The following PINK1 variants were observed in gnomAD, a reference collection of about 807,000 sequenced individuals.
The protein encoded by PINK1 is PTEN induced kinase 1, also known as serine/threonine-protein kinase PINK1, mitochondrial.
Under a neutral mutation model 56.0 loss-of-function variants are expected in PINK1, and 58 were observed. The ratio of observed to expected loss-of-function variants is 1.04; its 90% CI spans 0.84 to 1.29. The LOEUF (loss-of-function observed/expected upper bound fraction) is 1.29, where lower values mean the gene tolerates loss of function less well. PINK1 is among the 50% of genes most tolerant of loss of function. PINK1 has a pLI of 0.00. For synonymous variants in PINK1, 354 were observed against 339.3 expected, an observed-to-expected ratio of 1.04 and a Z score of -0.48; for missense variants, 745 against 777.9, an observed-to-expected ratio of 0.96 and a Z score of 0.50.
chr1:20,637,958 T>C lies in PINK1; in HGVS notation c.504T>C (p.Ala168=), dbSNP rs1030921349. ...AGTCCATTGGTAAGGGCTGCAGTGC[T>C]GCTGTGTATGAAGCCACCATGCCTA... ...IGQSIGKGCS[A]AVYEATMPTL... Residue 168 remains alanine, a synonymous_variant, in exon 2 of 8, where the codon GCT becomes GCC. Transcript: ENST00000321556. The C allele has an allele frequency of 8.1e-6, 13 of 1,614,216 alleles. No individual in the cohort carries two copies. In the Middle Eastern group the frequency reaches 1.5e-3, roughly 184 times the overall value.
At chr1:20,638,293 AC>A in intron 2 of PINK1, 164 bp downstream of exon 2, 1 of 799,786 alleles carries the variant, frequency 1.3e-6, no homozygotes, top group Non-Finnish European at 1.9e-6. Flanking sequence ...AGAAGTCTAA[AC>A]CAGAATGTTT....
At chr1:20,643,832 G>T (rs2053143004) in intron 3 of PINK1, among the ~76,000 whole-genome samples, 1 of 152,040 alleles carries the variant, frequency 6.6e-6, no homozygotes, top group African/African-American at 2.4e-5. Flanking sequence ...AGGACAGAGG[G>T]GACACATTCC....
intron 1 of PINK1, among the ~76,000 whole-genome samples, chr1:20,636,875 G>A (rs1035217998): frequency 7.2e-5 from 11 of 152,208 alleles, no homozygotes; most frequent in Non-Finnish European, 1.5e-4. Context: ...GCTTTCAGAG[G>A]GAGGCGTCCA....
intron 3 of PINK1, among the ~76,000 whole-genome samples, chr1:20,643,712 T>C (rs2053141808): frequency 6.6e-6 from 1 of 152,176 alleles, no homozygotes; most frequent in Non-Finnish European, 1.5e-5. Context: ...AGCTGAGAGC[T>C]TCCTCTGTGC....
chr1:20,648,757 G>C (rs1570407489), intron 6 of PINK1, 125 bp downstream of exon 6: 3 of 1,497,040 alleles, frequency 2.0e-6, no homozygotes, highest in Non-Finnish European at 2.7e-6. Flanking sequence ...TTTGGCACAA[G>C]TTCCTTCCCT....
intron 5 of PINK1, among the ~76,000 whole-genome samples, chr1:20,647,293 G>A (rs111354972): frequency 0.15 from 22,269 of 151,484 alleles, 2,055 homozygotes; most frequent in Middle Eastern, 0.23. Flanking sequence ...TCCTGACTTC[G>A]TGATCCACCT....
chr1:20,637,175 C>T (rs896627538), intron 1 of PINK1, among the ~76,000 whole-genome samples: 9 of 152,216 alleles, frequency 5.9e-5, no homozygotes, highest in Non-Finnish European at 1.2e-4. Flanking sequence ...GCCTGGGTGA[C>T]TGGAAGAGTG....
chr1:20,651,409 T>G lies in PINK1; in HGVS notation c.*718T>G, dbSNP rs2053276243. ...ATATTTTGTGGGCAGGTATCAACAT[T>G]GGGGAAGAGATTTCATGTCTAACTA... On this transcript the variant is annotated 3_prime_UTR_variant, in exon 8 of 8. Transcript: ENST00000321556. The G allele has an allele frequency of 6.6e-6, 1 of 151,080 alleles. No individual in the cohort carries two copies. The highest frequency in any genetic ancestry group is 2.2e-4 in the South Asian group (1 of 4,490). The allele number at this position is 151,080 out of a possible 1,614,324, so 9.4% of individuals were successfully genotyped here. A position where few individuals can be genotyped will look rare whatever the true frequency, so the allele number is the denominator to read the frequency against.
chr1:20,648,899 C>A, intron 6 of PINK1, 96 bp from the exon 7 acceptor site: 1 of 1,428,798 alleles, frequency 7.0e-7, no homozygotes, highest in Non-Finnish European at 9.8e-7. Flanking sequence ...TTCCTTGGGA[C>A]AGAGTTCAGA....
At position 20,649,870 on chromosome 1, in the gene PINK1, G is replaced by A. The variant is rs548461566; in HGVS notation, c.1489-564G>A. On this transcript the variant is annotated intron_variant, in intron 7 of 7. Coordinates refer to ENST00000321556, the MANE Select transcript of PINK1 (RefSeq NM_032409.3). ...CATGGAAGCAGCTGAGAACTGATCA[G>A]AGAGAGATGGAAAACATCTCCTGAG... The A allele has an allele frequency of 3.3e-5, 6 of 181,998 alleles. No homozygotes were observed. In the South Asian group the frequency reaches 7.1e-4, roughly 21 times the overall value. 11.3% of individuals were successfully genotyped at this position (181,998 alleles called of 1,614,324 possible). A position where few individuals can be genotyped will look rare whatever the true frequency, so the allele number is the denominator to read the frequency against.
chr1:20,644,275 C>T (rs565358773), intron 3 of PINK1, among the ~76,000 whole-genome samples: 10 of 152,198 alleles, frequency 6.6e-5, no homozygotes, highest in South Asian at 4.2e-4. Context: ...GACGGACAGA[C>T]GGATGGACAA....
At position 20,640,029 on chromosome 1, in the gene PINK1, CTTT is replaced by C. The variant is rs760722267; in HGVS notation, c.776+38_776+40del. Reference sequence around the variant, plus strand: ...CTGCCTGCCAGACTGACTGGGACTTCTTTGAGAGCAACTTCATCCATCACTTAT... The same window carrying C: ...CTGCCTGCCAGACTGACTGGGACTTCGAGAGCAACTTCATCCATCACTTAT... On this transcript the variant is annotated intron_variant, in intron 3 of 7. Transcript: ENST00000321556. 4.9e-4 allele frequency: 748 copies of C among 1,531,028 alleles called. No individual in the cohort carries two copies. The highest frequency in any genetic ancestry group is 6.3e-4 in the Non-Finnish European group (704 of 1,124,994). 94.8% of individuals were successfully genotyped at this position (1,531,028 alleles called of 1,614,324 possible). A position where few individuals can be genotyped will look rare whatever the true frequency, so the allele number is the denominator to read the frequency against.
rs111999917 is a variant in PINK1, at chr1:20,637,672, G to GGCCT, written c.388-168_388-165dup. Among the ~76,000 whole-genome samples the GGCCT allele has an allele frequency of 5.8e-4, 89 of 152,288 alleles. 1 individual carries two copies. The highest frequency in any genetic ancestry group is 2.0e-3 in the African/African-American group (85 of 41,554). On this transcript the variant is annotated intron_variant, in intron 1 of 7. Transcript: ENST00000321556. The stretch of plus-strand genomic sequence containing the variant: ...CATTCTGAATAATGAGAAAGAAGAT[G>GGCCT]GCCTGGACCCAGGCTGAGCAGTAGA...
intron 3 of PINK1, chr1:20,642,997 G>T (rs867380166): frequency 2.0e-5 from 3 of 152,258 alleles, no homozygotes; most frequent in Non-Finnish European, 4.4e-5. Context: ...TTGTAGGAAC[G>T]TGGTTCCACT....
rs1311048863 is a variant in PINK1 at position 20,651,440 on chromosome 1, C to CTT, written c.*751_*752dup. On this transcript the variant is annotated 3_prime_UTR_variant, in exon 8 of 8. Transcript: ENST00000321556. ...AGAGATTTCATGTCTAACTAACTAACTTTATACATGATTTTTAGGAAGCTA... is the reference window on the plus strand; with the variant it reads ...AGAGATTTCATGTCTAACTAACTAACTTTTTATACATGATTTTTAGGAAGCTA... The CTT allele has an allele frequency of 3.3e-5, 5 of 152,528 alleles. No individual in the cohort carries two copies. The highest frequency in any genetic ancestry group is 5.9e-5 in the Non-Finnish European group (4 of 68,314). The allele number at this position is 152,528 out of a possible 1,614,324, so 9.4% of individuals were successfully genotyped here. A position where few individuals can be genotyped will look rare whatever the true frequency, so the allele number is the denominator to read the frequency against.
At chr1:20,649,651 G>C in intron 7 of PINK1, 1 of 212,006 alleles carries the variant, frequency 4.7e-6, no homozygotes, top group East Asian at 1.2e-4. Context: ...TGTAATTCCA[G>C]GTACTCGGGA....
Position 20,651,361 on chromosome 1 carries a change from A to ATTGATTC in PINK1, c.*672_*673insGATTCTT, listed in dbSNP as rs2053272463. 1 of 154,128 alleles carries ATTGATTC rather than the reference A, an allele frequency of 6.5e-6. No individual in the cohort carries two copies. Among genetic ancestry groups the ATTGATTC allele is most frequent in the Non-Finnish European group, 1.4e-5 (1 of 69,466 alleles). The allele number at this position is 154,128 out of a possible 1,614,324, so 9.5% of individuals were successfully genotyped here. ...AACTGAATATTTGGCTTTAAGAATG[A>ATTGATTC]TTCTTATACTCTGAAGGTGAGAATA... On this transcript the variant is annotated 3_prime_UTR_variant, in exon 8 of 8. Transcript: ENST00000321556.
intron 5 of PINK1, among the ~76,000 whole-genome samples, chr1:20,647,721 G>A (rs894160283): frequency 1.5e-4 from 23 of 151,858 alleles, no homozygotes; most frequent in African/African-American, 5.1e-4. Context: ...CGCCTGCCTC[G>A]GCCTCCCAAA....
chr1:20,640,649 C>A (rs1386444215), intron 3 of PINK1, among the ~76,000 whole-genome samples: 1 of 152,170 alleles, frequency 6.6e-6, no homozygotes, highest in Non-Finnish European at 1.5e-5. Flanking sequence ...AAGTGAACAG[C>A]AGCTACGCTT....
Sources: allele counts gnomAD v4.1 joint callset (sites outside exome capture counted in the v4.1 genomes callset), GRCh38; gene constraint gnomAD v4.1.1; transcripts MANE v1.5; gene names NCBI Gene and HGNC (gene_info 2026-07-23, HGNC 2026-07-21).